The following ARHGAP11B variants were observed in gnomAD, a reference collection of about 807,000 sequenced individuals.
ARHGAP11B encodes the protein inactive Rho GTPase-activating protein 11B.
Under a neutral mutation model 27.6 loss-of-function variants are expected in ARHGAP11B, and 14 were observed. The observed-to-expected ratio is 0.51, with a 90% CI of 0.34 to 0.79. The LOEUF is 0.79. ARHGAP11B is among the 30% of genes least tolerant of loss of function. The probability of loss-of-function intolerance (pLI) is 0.02; values close to 1 mark genes in which losing one functional copy is unlikely to be tolerated. For missense variants in ARHGAP11B, 245 were observed against 320.1 expected, an observed-to-expected ratio of 0.77 and a Z score of 1.79; for synonymous variants, 82 against 114.1, an observed-to-expected ratio of 0.72 and a Z score of 1.80.
chr15:30,637,816 CTTTTTTTTT>C (rs398026724), intron 6 of ARHGAP11B, among the ~76,000 whole-genome samples: 1 of 103,116 alleles, frequency 9.7e-6, no homozygotes, highest in East Asian at 2.3e-4. Flanking sequence ...TTAAGGCTCA[CTTTTTTTTT>C]TTTTTTTTTT....
At chr15:30,638,766 A>C in exon 7 of ARHGAP11B, 2 of 1,492,128 alleles carry the variant, frequency 1.3e-6, no homozygotes, top group Non-Finnish European at 1.8e-6. Flanking sequence ...TGGAGCACTA[A>C]ATAAATTTAA....
In ARHGAP11B at chr15:30,636,877, G is replaced by C. The variant is rs2060283028; in HGVS notation, c.*3+1244G>C. Among the ~76,000 whole-genome samples the C allele has an allele frequency of 1.3e-5, 2 of 151,918 alleles. 1 individual carries two copies. Among genetic ancestry groups the C allele is most frequent in the South Asian group, 4.2e-4 (2 of 4,808 alleles). On this transcript the variant is annotated intron_variant, in intron 6 of 10. Transcript: ENST00000428041. Reference sequence around the variant, plus strand: ...GAACTTCCCTCTTACAGGGCACATTGGATTAGGGCCCACCCAAATGACCTC... The same window carrying C: ...GAACTTCCCTCTTACAGGGCACATTCGATTAGGGCCCACCCAAATGACCTC...
chr15:30,638,525 A>G (rs946380153), intron 6 of ARHGAP11B, among the ~76,000 whole-genome samples: 7 of 151,896 alleles, frequency 4.6e-5, no homozygotes, highest in South Asian at 2.1e-4. Flanking sequence ...TTTCTGTATT[A>G]TGTCTTTTTT....
intron 6 of ARHGAP11B, among the ~76,000 whole-genome samples, chr15:30,637,104 G>A (rs2060284499): frequency 6.6e-6 from 1 of 151,686 alleles, no homozygotes; most frequent in Non-Finnish European, 1.5e-5. Flanking sequence ...GTTATCACCA[G>A]TCCTGTAGTT....
At chr15:30,644,978 C>T (rs1191038514) in intron 8 of ARHGAP11B, among the ~76,000 whole-genome samples, 1 of 151,720 alleles carries the variant, frequency 6.6e-6, no homozygotes, top group African/African-American at 2.4e-5. Context: ...TGGGGGGCCT[C>T]CTCCCTTCCG....
At chr15:30,627,397 T>C (rs1316192319) in intron 1 of ARHGAP11B, among the ~76,000 whole-genome samples, 2 of 151,990 alleles carry the variant, frequency 1.3e-5, no homozygotes, top group African/African-American at 4.8e-5. Context: ...CCTCCACCCT[T>C]GTTTTAGAGT....
chr15:30,648,593 G>A (rs954558862), exon 11 of ARHGAP11B, among the ~76,000 whole-genome samples: 2 of 152,136 alleles, frequency 1.3e-5, no homozygotes, highest in Middle Eastern at 3.4e-3. Flanking sequence ...TTATTCCACT[G>A]TGAATGAGGT....
At chr15:30,632,638 G>A (rs917543087) in intron 2 of ARHGAP11B, among the ~76,000 whole-genome samples, 2 of 150,886 alleles carry the variant, frequency 1.3e-5, no homozygotes, top group African/African-American at 2.4e-5. Flanking sequence ...ATTCTAATTT[G>A]TGGGTCCCAG....
intron 1 of ARHGAP11B, among the ~76,000 whole-genome samples, chr15:30,628,789 T>C (rs1383038132): frequency 1.3e-5 from 2 of 152,138 alleles, no homozygotes; most frequent in Non-Finnish European, 2.9e-5. Flanking sequence ...GACTGGTGTT[T>C]GTTAGCTAAC....
chr15:30,634,227 G>A lies in ARHGAP11B; in HGVS notation c.355G>A (p.Gly119Arg), dbSNP rs376891539. ...TTCTGCACCTCCTTGTGATATTGCGGGACTTCTTAAGCAGTTTTTTAGGGA... is the reference window on the plus strand; with the variant it reads ...TTCTGCACCTCCTTGTGATATTGCGAGACTTCTTAAGCAGTTTTTTAGGGA... The change falls in exon 4 of 11, where the codon GGA (glycine) becomes AGA (arginine). Residue 119 changes from glycine (G) to arginine (R), a missense_variant. Gly to Arg is a moderately radical substitution (Grantham distance 125, BLOSUM62 -2). Transcript: ENST00000428041. 84 of 1,611,182 alleles carry A rather than the reference G, an allele frequency of 5.2e-5. 4 individuals are homozygous for A. The highest frequency in any genetic ancestry group is 6.4e-5 in the Non-Finnish European group (75 of 1,178,386).
At chr15:30,628,302 C>G (rs1378677693) in intron 1 of ARHGAP11B, among the ~76,000 whole-genome samples, 2 of 151,950 alleles carry the variant, frequency 1.3e-5, no homozygotes, top group East Asian at 1.9e-4. Context: ...AGGATGGTCT[C>G]GATCTCCTGC....
intron 1 of ARHGAP11B, among the ~76,000 whole-genome samples, chr15:30,629,401 A>C (rs2060230106): frequency 6.6e-6 from 1 of 151,996 alleles, no homozygotes; most frequent in Non-Finnish European, 1.5e-5. Flanking sequence ...AAAATACAAA[A>C]AAATTAGCTG....
rs1016436854 is a variant in ARHGAP11B at position 30,633,683 on chromosome 15, C to G, written c.297+97C>G. The G allele has an allele frequency of 1.6e-4, 146 of 931,452 alleles. 1 individual carries two copies. Among genetic ancestry groups the G allele is most frequent in the Middle Eastern group, 2.3e-4 (1 of 4,318 alleles). The allele number at this position is 931,452 out of a possible 1,614,324, so 57.7% of individuals were successfully genotyped here. ...TAGAACTATTAATATGAATAGTTGA[C>G]AGAAATTGAATTTGCATTTTTTTCA... On this transcript the variant is annotated intron_variant, in intron 3 of 10. Coordinates refer to ENST00000428041, the Ensembl canonical transcript of ARHGAP11B.
At chr15:30,632,602 G>A (rs1401618204) in intron 2 of ARHGAP11B, among the ~76,000 whole-genome samples, 3 of 151,192 alleles carry the variant, frequency 2.0e-5, no homozygotes, top group Non-Finnish European at 4.4e-5. Flanking sequence ...CAATACAGCT[G>A]TATCAATTGT....
chr15:30,649,173 T>C (rs1353944229), exon 11 of ARHGAP11B: 1 of 152,024 alleles, frequency 6.6e-6, no homozygotes, highest in Admixed American at 6.6e-5. Flanking sequence ...CTTTTAAGAA[T>C]TGAAGTTTGA....
At chr15:30,639,068 CT>C (rs1595676663) in intron 7 of ARHGAP11B, among the ~76,000 whole-genome samples, 1 of 151,830 alleles carries the variant, frequency 6.6e-6, no homozygotes, top group African/African-American at 2.4e-5. Context: ...CTTAATCATG[CT>C]TTTCTGTTTG....
At chr15:30,647,887 T>C (rs979332414) in intron 10 of ARHGAP11B, among the ~76,000 whole-genome samples, 2 of 152,050 alleles carry the variant, frequency 1.3e-5, no homozygotes, top group African/African-American at 4.8e-5. Flanking sequence ...TTTTAGAATA[T>C]TTAAAAATAA....
At position 30,633,392 on chromosome 15, in the gene ARHGAP11B, C is replaced by T. The variant is rs1288743187; in HGVS notation, c.201-98C>T. On this transcript the variant is annotated intron_variant, in intron 2 of 10. Coordinates refer to ENST00000428041, the Ensembl canonical transcript of ARHGAP11B. Reference sequence around the variant, plus strand: ...CTACAGAGATTTGTGGCTTTAGAGCCTCTGAAAGGTCTGTAGTGCTTGGCC... The same window carrying T: ...CTACAGAGATTTGTGGCTTTAGAGCTTCTGAAAGGTCTGTAGTGCTTGGCC... 8 of 1,017,688 alleles carry T rather than the reference C, an allele frequency of 7.9e-6. 1 individual carries two copies. Among genetic ancestry groups the T allele is most frequent in the Non-Finnish European group, 4.2e-6 (3 of 715,432 alleles). 63.0% of individuals were successfully genotyped at this position (1,017,688 alleles called of 1,614,324 possible). A position where few individuals can be genotyped will look rare whatever the true frequency, so the allele number is the denominator to read the frequency against.
chr15:30,642,502 G>A (rs937374769), intron 7 of ARHGAP11B, among the ~76,000 whole-genome samples: 5 of 151,998 alleles, frequency 3.3e-5, no homozygotes, highest in Non-Finnish European at 7.4e-5. Flanking sequence ...CAGGTGGGTA[G>A]CAGTTGGCCA....
Sources: gnomAD v4.1 joint callset for allele counts (sites outside exome capture counted in the v4.1 genomes callset) on GRCh38, gnomAD v4.1.1 for gene constraint, MANE v1.5 for transcripts, NCBI Gene and HGNC (gene_info 2026-07-23, HGNC 2026-07-21) for gene names.